NOS1: variants seen among roughly 807,000 people sequenced by gnomAD.
NOS1 encodes nitric oxide synthase 1.
A neutral mutation model predicts 164.5 loss-of-function variants in NOS1; 51 were observed. The observed-to-expected ratio is 0.31, with a 90% CI of 0.25 to 0.39. The LOEUF is 0.39. Ranked by LOEUF, NOS1 falls within the 10% of genes least tolerant of loss-of-function variation. The pLI, the probability that NOS1 is intolerant of heterozygous loss-of-function variation, is 1.00. For synonymous variants in NOS1, 719 were observed against 745.8 expected (o/e 0.96, Z 0.59); for missense variants, 1,362 against 1,885.6 (o/e 0.72, Z 5.14).
intron 2 of NOS1, among the ~76,000 whole-genome samples, chr12:117,324,737 A>AAAT (rs539626987): frequency 4.6e-5 from 7 of 152,160 alleles, no homozygotes; most frequent in Admixed American, 3.9e-4. Context: ...ATAAATAAAT[A>AAAT]AAGTGACTGC....
At chr12:117,340,784 C>A (rs1240049991) in intron 1 of NOS1, among the ~76,000 whole-genome samples, 1 of 150,838 alleles carries the variant, frequency 6.6e-6, no homozygotes, top group African/African-American at 2.4e-5. Flanking sequence ...AGTGCAGTGG[C>A]GTGATCTTGG....
At chr12:117,244,459 G>A (rs1208885220) in intron 18 of NOS1, among the ~76,000 whole-genome samples, 1 of 151,964 alleles carries the variant, frequency 6.6e-6, no homozygotes, top group African/African-American at 2.4e-5. Context: ...GGCTGGTTTC[G>A]AGCTTCTGGC....
At position 117,213,257 on chromosome 12, in the gene NOS1, C is replaced by A; in HGVS notation, c.*2052G>T. The A allele has an allele frequency of 1.0e-6, 1 of 985,436 alleles. No individual in the cohort carries two copies. Among genetic ancestry groups the A allele is most frequent in the African/African-American group, 1.7e-5 (1 of 57,350 alleles). 61.0% of individuals were successfully genotyped at this position (985,436 alleles called of 1,614,324 possible). On this transcript the variant is annotated 3_prime_UTR_variant, in exon 29 of 29. Transcript: ENST00000317775. The stretch of plus-strand genomic sequence containing the variant: ...GGGAATTGGGGAGGCGTCTCCAAAG[C>A]TATAAAGGATTGGAAAGAAAGCCTT...
intron 6 of NOS1, 125 bp from the exon 7 acceptor site, chr12:117,285,457 AC>A: frequency 2.1e-6 from 1 of 487,770 alleles, no homozygotes; most frequent in Non-Finnish European, 3.8e-6. Flanking sequence ...TGAAGTGGGC[AC>A]CTCATTACTG....
intron 1 of NOS1, among the ~76,000 whole-genome samples, chr12:117,344,782 G>A (rs1876265992): frequency 6.6e-6 from 1 of 152,152 alleles, no homozygotes; most frequent in Admixed American, 6.5e-5. Context: ...CAACTTTTGT[G>A]ATACGTGCAT....
At chr12:117,307,983 T>C (rs1874237479) in intron 3 of NOS1, among the ~76,000 whole-genome samples, 1 of 136,860 alleles carries the variant, frequency 7.3e-6, no homozygotes, top group Non-Finnish European at 1.6e-5. Flanking sequence ...CCAGAGACTC[T>C]GTCTCACAAT....
At chr12:117,296,801 G>A (rs1021187477) in intron 3 of NOS1, among the ~76,000 whole-genome samples, 6 of 152,180 alleles carry the variant, frequency 3.9e-5, no homozygotes, top group Non-Finnish European at 5.9e-5. Context: ...AAGATCATAA[G>A]GGTGGGGCCC....
chr12:117,276,120 G>GA (rs764741257), intron 9 of NOS1, among the ~76,000 whole-genome samples: 5 of 152,116 alleles, frequency 3.3e-5, no homozygotes, highest in Admixed American at 6.5e-5. Flanking sequence ...CCTGTAATGT[G>GA]AAATAAGCAC....
At chr12:117,257,859 C>T (rs1480196801) in intron 16 of NOS1, among the ~76,000 whole-genome samples, 2 of 143,358 alleles carry the variant, frequency 1.4e-5, no homozygotes, top group Non-Finnish European at 3.0e-5. Context: ...GGCTGGAGTG[C>T]AATGGTGCGA....
chr12:117,349,136 C>T (rs1463122092), intron 1 of NOS1, among the ~76,000 whole-genome samples: 2 of 152,216 alleles, frequency 1.3e-5, no homozygotes, highest in African/African-American at 4.8e-5. Flanking sequence ...CTTCTCCTCG[C>T]CCCCTGGCAA....
intron 3 of NOS1, among the ~76,000 whole-genome samples, chr12:117,306,055 G>A (rs1268372903): frequency 6.6e-6 from 1 of 152,042 alleles, no homozygotes; most frequent in African/African-American, 2.4e-5. Context: ...GCCTCCCAAA[G>A]TGCTGGGATT....
Position 117,210,727 on chromosome 12 carries a change from T to G in NOS1, c.*4582A>C. On this transcript the variant is annotated 3_prime_UTR_variant, in exon 29 of 29. Transcript: ENST00000317775. ...TCTTTCAAAGTCCAGAGCAGGCAGC[T>G]GCTGAAAGCGTGTTTGGTCAGAAGA... is the stretch of plus-strand genomic sequence containing the variant. 3.0e-6 allele frequency: 3 copies of G among 985,436 alleles called. No individual in the cohort carries two copies. Among genetic ancestry groups the G allele is most frequent in the Non-Finnish European group, 3.6e-6 (3 of 829,962 alleles). The allele number at this position is 985,436 out of a possible 1,614,324, so 61.0% of individuals were successfully genotyped here.
chr12:117,341,018 C>A (rs1432931927), intron 1 of NOS1, among the ~76,000 whole-genome samples: 3 of 152,066 alleles, frequency 2.0e-5, no homozygotes, highest in Admixed American at 6.6e-5. Context: ...AGCCACTGTG[C>A]CCAGCCAATA....
At chr12:117,244,345 T>A (rs1465112017) in intron 18 of NOS1, among the ~76,000 whole-genome samples, 1 of 152,162 alleles carries the variant, frequency 6.6e-6, no homozygotes, top group Non-Finnish European at 1.5e-5. Context: ...CTCCCCAGGT[T>A]CAAGTTATTC....
In NOS1 at chr12:117,208,165, A is replaced by G; in HGVS notation, c.*7144T>C. The G allele has an allele frequency of 4.9e-6, 4 of 824,610 alleles. No individual in the cohort carries two copies. Among genetic ancestry groups the G allele is most frequent in the Non-Finnish European group, 6.6e-6 (4 of 605,994 alleles). The allele number at this position is 824,610 out of a possible 1,614,324, so 51.1% of individuals were successfully genotyped here. A position where few individuals can be genotyped will look rare whatever the true frequency, so the allele number is the denominator to read the frequency against. On this transcript the variant is annotated 3_prime_UTR_variant, in exon 29 of 29. Coordinates refer to ENST00000317775, the MANE Select transcript of NOS1 (RefSeq NM_000620.5). ...AGTTGAATCCACTTTTTAATATTGT[A>G]ACCATAATGCAAACAAGCATAATAG...
At chr12:117,255,726 G>C (rs1871389318) in intron 16 of NOS1, among the ~76,000 whole-genome samples, 1 of 152,212 alleles carries the variant, frequency 6.6e-6, no homozygotes, top group Non-Finnish European at 1.5e-5. Context: ...GGGTAGGGCA[G>C]AGCTAATTTC....
intron 1 of NOS1, among the ~76,000 whole-genome samples, chr12:117,351,903 G>A (rs963334403): frequency 5.3e-5 from 8 of 152,186 alleles, no homozygotes; most frequent in African/African-American, 1.4e-4. Flanking sequence ...AGAACCTGCT[G>A]AGCATGGTGG....
intron 20 of NOS1, among the ~76,000 whole-genome samples, chr12:117,240,839 G>T (rs1050786422): frequency 4.6e-5 from 7 of 152,088 alleles, no homozygotes; most frequent in African/African-American, 9.7e-5. Context: ...TAGAACCCAG[G>T]ACTGCTCAAC....
At position 117,265,325 on chromosome 12, in the gene NOS1, G is replaced by A. The variant is rs761279962; in HGVS notation, c.2127C>T (p.Phe709=). The part of the protein sequence containing the change: ...EMLNYRLTPS[F]EYQPDPWNTH... ...AGGGACAGGGAAGGACCTGGTATTC[G>A]AAGGAGGGGGTGAGCCGGTAGTTGA... The change falls in exon 12 of 29, where the codon TTC becomes TTT. Residue 709 remains phenylalanine, a synonymous_variant. Transcript: ENST00000317775. 7.1e-6 allele frequency: 11 copies of A among 1,545,848 alleles called. No homozygotes were observed. In the Admixed American group the frequency reaches 7.4e-5, roughly 10 times the overall value.
Sources: allele counts gnomAD v4.1 joint callset (sites outside exome capture counted in the v4.1 genomes callset), GRCh38; gene constraint gnomAD v4.1.1; transcripts MANE v1.5; gene names NCBI Gene and HGNC (gene_info 2026-07-23, HGNC 2026-07-21).